Variants in SYNE3 observed in about 807,000 individuals in gnomAD.
SYNE3 encodes nesprin-3.
SYNE3 carries 100 observed loss-of-function variants against 111.2 expected under a neutral mutation model. That is an observed-to-expected ratio of 0.90 (90% CI 0.77 to 1.06). The LOEUF (loss-of-function observed/expected upper bound fraction) is 1.06, where lower values mean the gene tolerates loss of function less well. SYNE3 is among the 50% of genes least tolerant of loss of function. SYNE3 has a pLI of 0.00. For synonymous variants in SYNE3, 547 were observed against 533.9 expected, an observed-to-expected ratio of 1.02 and a Z score of -0.34; for missense variants, 1,160 against 1,240.3, an observed-to-expected ratio of 0.94 and a Z score of 0.97.
chr14:95,513,228 T>G (rs1890785493), intron 1 of SYNE3, among the ~76,000 whole-genome samples: 1 of 152,202 alleles, frequency 6.6e-6, no homozygotes, highest in Non-Finnish European at 1.5e-5. Context: ...CTAATCACCT[T>G]CTTGCTTTTT....
chr14:95,480,559 C>T (rs531272429), intron 1 of SYNE3, among the ~76,000 whole-genome samples: 64 of 152,298 alleles, frequency 4.2e-4, no homozygotes, highest in African/African-American at 1.4e-3. Flanking sequence ...GGAGACACAG[C>T]CTCCCCAGGA....
intron 14 of SYNE3, chr14:95,437,978 G>T (rs1011159043): frequency 2.6e-5 from 4 of 152,228 alleles, no homozygotes; most frequent in African/African-American, 9.7e-5. Context: ...AGCAGCATGG[G>T]CCTATCCCGA....
At chr14:95,436,361 T>C (rs139032296) in intron 15 of SYNE3, among the ~76,000 whole-genome samples, 1 of 152,260 alleles carries the variant, frequency 6.6e-6, no homozygotes, top group Admixed American at 6.5e-5. Flanking sequence ...ACGAGATGTG[T>C]AGTCCATGTC....
At chr14:95,430,044 T>G in intron 17 of SYNE3, 1 of 669,850 alleles carries the variant, frequency 1.5e-6, no homozygotes, top group Non-Finnish European at 1.8e-6. Context: ...CAATGAACGC[T>G]ATGGCTGTGA....
intron 17 of SYNE3, among the ~76,000 whole-genome samples, chr14:95,426,029 C>T (rs1885410987): frequency 1.3e-5 from 2 of 152,184 alleles, no homozygotes; most frequent in African/African-American, 4.8e-5. Flanking sequence ...TACTGGGTAC[C>T]TCACTGGGGT....
Position 95,445,893 on chromosome 14 carries a change from G to T in SYNE3, c.1632+16C>A. 6.2e-7 allele frequency: 1 copy of T among 1,611,134 alleles called. No homozygotes were observed. The highest frequency in any genetic ancestry group is 8.5e-7 in the Non-Finnish European group (1 of 1,178,180). On this transcript the variant is annotated intron_variant, in intron 9 of 17. Transcript: ENST00000682763. ...TGGCCAAGCCAAGTCCCGAGCAGAT[G>T]CCTGGTGCTGCACACCTGCAGTTTG...
At chr14:95,418,075 TG>T in intron 17 of SYNE3, 49 bp from the exon 18 acceptor site, 3 of 1,593,310 alleles carry the variant, frequency 1.9e-6, no homozygotes, top group Non-Finnish European at 2.6e-6. Context: ...GCTCTGGTGG[TG>T]GGGGGCAGGT....
intron 1 of SYNE3, among the ~76,000 whole-genome samples, chr14:95,477,835 T>C (rs1193899786): frequency 2.6e-5 from 4 of 152,240 alleles, no homozygotes; most frequent in Admixed American, 2.6e-4. Context: ...GTGCAAGCAT[T>C]TAAATGTATT....
intron 1 of SYNE3, among the ~76,000 whole-genome samples, chr14:95,508,783 G>A (rs1452144048): frequency 1.3e-5 from 2 of 152,220 alleles, no homozygotes; most frequent in African/African-American, 4.8e-5. Context: ...GAGAACCCAG[G>A]AGAATGGAGA....
At chr14:95,460,928 C>T (rs1887769507) in intron 4 of SYNE3, among the ~76,000 whole-genome samples, 1 of 152,170 alleles carries the variant, frequency 6.6e-6, no homozygotes, top group South Asian at 2.1e-4. Context: ...GAGGTGCTGG[C>T]ACCCGGAGAA....
rs7161469 is a variant in SYNE3 at position 95,410,973 on chromosome 14, A to C, written c.*6853T>G. The C allele has an allele frequency of 0.58, 87,688 of 151,814 alleles. 25,833 individuals are homozygous for C. The highest frequency in any genetic ancestry group is 0.78 in the East Asian group (4,023 of 5,130). The allele number at this position is 151,814 out of a possible 1,614,324, so 9.4% of individuals were successfully genotyped here. A position where few individuals can be genotyped will look rare whatever the true frequency, so the allele number is the denominator to read the frequency against. On this transcript the variant is annotated 3_prime_UTR_variant, in exon 18 of 18. Coordinates refer to ENST00000682763, the MANE Select transcript of SYNE3 (RefSeq NM_152592.6). ...CCCTGTCTAGTGCTGAGCAGTATCA[A>C]GCTGTCATCCAGTGGGTGCAGAGAC... is the stretch of plus-strand genomic sequence containing the variant.
chr14:95,460,367 G>GTTTTTT (rs548346693), intron 4 of SYNE3, among the ~76,000 whole-genome samples: 2 of 85,238 alleles, frequency 2.3e-5, no homozygotes, highest in African/African-American at 9.3e-5. Context: ...ACGATGCCTA[G>GTTTTTT]TTTTTTTTTT....
chr14:95,459,431 G>A (rs1887656730), intron 4 of SYNE3, among the ~76,000 whole-genome samples: 1 of 152,060 alleles, frequency 6.6e-6, no homozygotes, highest in Non-Finnish European at 1.5e-5. Flanking sequence ...AGGGTGTGGT[G>A]GTGTGCACCT....
intron 1 of SYNE3, among the ~76,000 whole-genome samples, chr14:95,476,570 T>G (rs1888903295): frequency 6.6e-6 from 1 of 152,278 alleles, no homozygotes. Context: ...TGACTTCCCC[T>G]GGGCTATGGC....
intron 3 of SYNE3, among the ~76,000 whole-genome samples, chr14:95,467,470 A>T (rs147610151): frequency 1.3e-4 from 19 of 151,116 alleles, no homozygotes; most frequent in African/African-American, 4.1e-4. Context: ...TTCCTGGTAC[A>T]AGCAGGGACT....
chr14:95,463,409 C>G (rs940598154), intron 4 of SYNE3, among the ~76,000 whole-genome samples: 3 of 152,240 alleles, frequency 2.0e-5, no homozygotes, highest in Non-Finnish European at 4.4e-5. Flanking sequence ...CCCTCACGTA[C>G]AAACATGCAC....
Position 95,467,902 on chromosome 14 carries a change from G to T in SYNE3, c.210C>A (p.Ala70=). The T allele has an allele frequency of 6.2e-7, 1 of 1,614,176 alleles. No individual in the cohort carries two copies. ...RVDLVLRMAE[A]LLACCPGDQK... ...GGTCCCCAGGGCAGCATGCCAAGAG[G>T]GCTTCAGCCATCCGTAGCACGAGGT... The change falls in exon 3 of 18, where the codon GCC becomes GCA. Residue 70 remains alanine (A), a synonymous_variant. Coordinates refer to ENST00000682763, the MANE Select transcript of SYNE3 (RefSeq NM_152592.6).
chr14:95,501,091 C>T lies in SYNE3; in HGVS notation c.-15+15505G>A, dbSNP rs140020730. ...CCCAGGGGACAATGCATGCCTTCTGCCTCCATAGAATGGGCACCACATGTG... is the reference window on the plus strand; with the variant it reads ...CCCAGGGGACAATGCATGCCTTCTGTCTCCATAGAATGGGCACCACATGTG... On this transcript the variant is annotated intron_variant, in intron 1 of 17. Transcript: ENST00000682763. Among the ~76,000 whole-genome samples the T allele has an allele frequency of 5.2e-3, 792 of 152,326 alleles. 3 individuals carry two copies. Among genetic ancestry groups the T allele is most frequent in the South Asian group, 0.014 (67 of 4,828 alleles).
chr14:95,499,247 TCTAACGG>T (rs1343404048), intron 1 of SYNE3, among the ~76,000 whole-genome samples: 6 of 152,194 alleles, frequency 3.9e-5, no homozygotes, highest in Non-Finnish European at 8.8e-5. Context: ...GAAAGGAGCA[TCTAACGG>T]CTCAGGGTCA....
Sources: gnomAD v4.1 joint callset for allele counts (sites outside exome capture counted in the v4.1 genomes callset) on GRCh38, gnomAD v4.1.1 for gene constraint, MANE v1.5 for transcripts, NCBI Gene and HGNC (gene_info 2026-07-23, HGNC 2026-07-21) for gene names.